IL20RB: variants seen among roughly 807,000 people sequenced by gnomAD.
IL20RB encodes the protein interleukin 20 receptor subunit beta.
IL20RB carries 21 observed loss-of-function variants against 33.3 expected under a neutral mutation model. The ratio of observed to expected loss-of-function variants is 0.63; its 90% CI spans 0.45 to 0.91. The LOEUF is 0.91. Ranked by LOEUF, IL20RB falls within the 40% of genes least tolerant of loss-of-function variation. The pLI, the probability that IL20RB is intolerant of heterozygous loss-of-function variation, is 0.00. For synonymous variants in IL20RB, 147 were observed against 146.8 expected (o/e 1.00, Z -0.01); for missense variants, 345 against 384.8 (o/e 0.90, Z 0.86).
rs1941089623 is a variant in IL20RB, at chr3:136,958,061, G to A, written c.-53G>A. The A allele has an allele frequency of 3.7e-6, 4 of 1,086,182 alleles. No homozygotes were observed. The highest frequency in any genetic ancestry group is 5.7e-6 in the Non-Finnish European group (4 of 705,722). The allele number at this position is 1,086,182 out of a possible 1,614,324, so 67.3% of individuals were successfully genotyped here. A position where few individuals can be genotyped will look rare whatever the true frequency, so the allele number is the denominator to read the frequency against. ...TGAAGAAAGATGGCTGAGATGGACA[G>A]AATGCTTTATTTTGGAAAGAAACAA... On this transcript the variant is annotated 5_prime_UTR_variant, in exon 1 of 7. Transcript: ENST00000329582.
chr3:137,002,536 C>A (rs1487456699), intron 6 of IL20RB, among the ~76,000 whole-genome samples: 13 of 151,918 alleles, frequency 8.6e-5, no homozygotes, highest in Admixed American at 7.9e-4. Flanking sequence ...TGATGATGAG[C>A]ATTTTTTCAT....
chr3:136,970,667 T>A (rs1941454890), intron 1 of IL20RB, among the ~76,000 whole-genome samples: 1 of 122,922 alleles, frequency 8.1e-6, no homozygotes, highest in African/African-American at 2.9e-5. Context: ...TCCTTCCTTT[T>A]TTTGAGATGG....
intron 6 of IL20RB, among the ~76,000 whole-genome samples, chr3:136,996,091 C>A (rs1942121580): frequency 6.6e-6 from 1 of 152,102 alleles, no homozygotes; most frequent in Admixed American, 6.5e-5. Flanking sequence ...ATAGTGACTG[C>A]CTGAGTTAGG....
intron 6 of IL20RB, among the ~76,000 whole-genome samples, chr3:137,000,696 T>C (rs1942225915): frequency 6.6e-6 from 1 of 152,188 alleles, no homozygotes; most frequent in African/African-American, 2.4e-5. Flanking sequence ...GCGATGGTAA[T>C]GGTAGGGAGC....
intron 6 of IL20RB, among the ~76,000 whole-genome samples, chr3:137,001,888 T>TG (rs1942250481): frequency 6.6e-6 from 1 of 152,158 alleles, no homozygotes; most frequent in African/African-American, 2.4e-5. Context: ...CAACTCATCA[T>TG]TTACACTAGG....
chr3:137,010,161 G>T lies in IL20RB; in HGVS notation c.874G>T (p.Val292Leu). Residue 292 changes from valine (V) to leucine (L), a missense_variant, in exon 7 of 7, where the codon GTG becomes TTG. Val to Leu is a conservative substitution (Grantham distance 32). Coordinates refer to ENST00000329582, the MANE Select transcript of IL20RB (RefSeq NM_144717.4). ...GTTAATCAGCTGCAGAAGGGAGGAG[G>T]TGGATGCCTGTGCCACGGCTGTGAT... ...QKLISCRREE[V>L]DACATAVMSP... 1 of 1,609,778 alleles carries T rather than the reference G, an allele frequency of 6.2e-7. No individual in the cohort carries two copies. The highest frequency in any genetic ancestry group is 8.5e-7 in the Non-Finnish European group (1 of 1,176,068).
intron 1 of IL20RB, among the ~76,000 whole-genome samples, chr3:136,963,693 ATT>A (rs35766983): frequency 8.8e-4 from 55 of 62,706 alleles, no homozygotes; most frequent in African/African-American, 3.6e-3. Context: ...TTTTTTTTTT[ATT>A]TTTTTTTTTT....
chr3:136,975,350 A>T (rs1282860785), intron 1 of IL20RB, among the ~76,000 whole-genome samples: 1 of 151,708 alleles, frequency 6.6e-6, no homozygotes. Context: ...ATTTTTATTT[A>T]TTTTTTTGAA....
At chr3:136,972,006 T>A (rs940956434) in intron 1 of IL20RB, among the ~76,000 whole-genome samples, 3 of 152,212 alleles carry the variant, frequency 2.0e-5, no homozygotes, top group African/African-American at 7.2e-5. Context: ...TTGTTATTTT[T>A]TGTCTTTTTA....
intron 1 of IL20RB, among the ~76,000 whole-genome samples, chr3:136,978,424 C>T (rs1941682539): frequency 6.6e-6 from 1 of 152,096 alleles, no homozygotes; most frequent in Admixed American, 6.6e-5. Context: ...CCTCGGCCTC[C>T]CAAAGTGCTG....
intron 5 of IL20RB, among the ~76,000 whole-genome samples, chr3:136,992,679 C>T (rs1942055759): frequency 6.6e-6 from 1 of 152,110 alleles, no homozygotes; most frequent in African/African-American, 2.4e-5. Flanking sequence ...GCCTTTTAGT[C>T]TTTAAAAATA....
intron 1 of IL20RB, among the ~76,000 whole-genome samples, chr3:136,977,153 C>T (rs1941639325): frequency 6.6e-6 from 1 of 152,012 alleles, no homozygotes; most frequent in Non-Finnish European, 1.5e-5. Context: ...GATTTCGGTT[C>T]TTCTAAGTGG....
intron 1 of IL20RB, among the ~76,000 whole-genome samples, chr3:136,972,026 A>T (rs1941499212): frequency 6.6e-6 from 1 of 152,114 alleles, no homozygotes; most frequent in Non-Finnish European, 1.5e-5. Flanking sequence ...AGTAATAGCC[A>T]TTCTGACCTG....
At chr3:137,005,443 G>T (rs897784162) in intron 6 of IL20RB, among the ~76,000 whole-genome samples, 3 of 152,264 alleles carry the variant, frequency 2.0e-5, no homozygotes, top group Non-Finnish European at 4.4e-5. Context: ...ATGAATCTGG[G>T]TGCTCCTGTA....
At chr3:137,003,747 G>A (rs1435867426) in intron 6 of IL20RB, among the ~76,000 whole-genome samples, 2 of 152,052 alleles carry the variant, frequency 1.3e-5, no homozygotes, top group African/African-American at 4.8e-5. Context: ...TCCTAATTGA[G>A]TACCCTTTAT....
At chr3:136,975,932 G>A (rs1025773555) in intron 1 of IL20RB, among the ~76,000 whole-genome samples, 1 of 152,212 alleles carries the variant, frequency 6.6e-6, no homozygotes, top group African/African-American at 2.4e-5. Flanking sequence ...AAGGAGGTGG[G>A]TTCTTGGGGC....
At chr3:136,984,898 T>G (rs759156137) in intron 3 of IL20RB, among the ~76,000 whole-genome samples, 17 of 152,152 alleles carry the variant, frequency 1.1e-4, no homozygotes, top group Non-Finnish European at 2.5e-4. Context: ...AAACTGCCAC[T>G]ACCTGCAGTG....
At chr3:136,958,308 C>T (rs900844477) in intron 1 of IL20RB, 107 bp downstream of exon 1, 17 of 643,830 alleles carry the variant, frequency 2.6e-5, no homozygotes, top group Non-Finnish European at 4.1e-5. Flanking sequence ...TATAGAATAT[C>T]GTATATCTGT....
intron 3 of IL20RB, among the ~76,000 whole-genome samples, chr3:136,982,594 T>C (rs933182328): frequency 5.9e-5 from 9 of 152,262 alleles, no homozygotes; most frequent in African/African-American, 2.2e-4. Flanking sequence ...TGTGCAGGTG[T>C]TGGGGATGCT....
Sources: gnomAD v4.1 joint callset for allele counts (sites outside exome capture counted in the v4.1 genomes callset) on GRCh38, gnomAD v4.1.1 for gene constraint, MANE v1.5 for transcripts, NCBI Gene and HGNC (gene_info 2026-07-23, HGNC 2026-07-21) for gene names.